Variants in CPQ observed in about 807,000 individuals in gnomAD.
The protein encoded by CPQ is Ser-Met dipeptidase.
CPQ carries 37 observed loss-of-function variants against 45.7 expected under a neutral mutation model. The ratio of observed to expected loss-of-function variants is 0.81; its 90% confidence interval spans 0.62 to 1.07. The LOEUF (loss-of-function observed/expected upper bound fraction) is 1.07. CPQ is among the 50% of genes least tolerant of loss of function. CPQ has a pLI of 0.00. For synonymous variants in CPQ, 186 were observed against 205.8 expected (o/e 0.90, Z 0.82); for missense variants, 537 against 572.9 (o/e 0.94, Z 0.64).
intron 3 of CPQ, among the ~76,000 whole-genome samples, chr8:96,851,329 T>C (rs916417546): frequency 2.0e-5 from 3 of 152,186 alleles, no homozygotes; most frequent in Non-Finnish European, 2.9e-5. Flanking sequence ...AATTGAGAAG[T>C]CCAGGTAGAG....
At chr8:97,059,741 C>T (rs571708682) in intron 6 of CPQ, among the ~76,000 whole-genome samples, 2 of 152,292 alleles carry the variant, frequency 1.3e-5, no homozygotes, top group South Asian at 4.1e-4. Context: ...TCAGCACACA[C>T]ATTGTAAGAT....
intron 1 of CPQ, among the ~76,000 whole-genome samples, chr8:96,712,197 C>A (rs190951073): frequency 1.3e-5 from 2 of 152,324 alleles, no homozygotes; most frequent in Admixed American, 6.5e-5. Flanking sequence ...GGCATCTCCA[C>A]CCCTGTGACT....
At chr8:96,801,458 A>G (rs1265348953) in intron 2 of CPQ, among the ~76,000 whole-genome samples, 1 of 152,092 alleles carries the variant, frequency 6.6e-6, no homozygotes, top group African/African-American at 2.4e-5. Flanking sequence ...TTTGCTTTTG[A>G]TTTTATATAA....
chr8:96,957,838 CTT>C (rs796118046), intron 4 of CPQ, among the ~76,000 whole-genome samples: 5 of 142,118 alleles, frequency 3.5e-5, no homozygotes, highest in Admixed American at 1.4e-4. Context: ...GTACCAAATG[CTT>C]TTTTTTTTTT....
At chr8:96,850,584 TTTTATTTATTTA>T (rs199730159) in intron 3 of CPQ, among the ~76,000 whole-genome samples, 253 of 136,636 alleles carry the variant, frequency 1.9e-3, no homozygotes, top group African/African-American at 6.3e-3. Context: ...TTTTATTTTA[TTTTATTTATTTA>T]TTTATTTATT....
chr8:96,650,660 TATC>T (rs1022676565), intron 1 of CPQ, among the ~76,000 whole-genome samples: 29 of 152,318 alleles, frequency 1.9e-4, no homozygotes, highest in African/African-American at 6.7e-4. Context: ...CTCCTTCCCT[TATC>T]ATATCATATC....
intron 3 of CPQ, among the ~76,000 whole-genome samples, chr8:96,840,447 A>G (rs898370804): frequency 2.6e-5 from 4 of 152,180 alleles, no homozygotes; most frequent in African/African-American, 9.7e-5. Flanking sequence ...GAATAGCAAC[A>G]TCAACCTATC....
intron 1 of CPQ, among the ~76,000 whole-genome samples, chr8:96,750,386 C>T (rs1810242446): frequency 6.6e-6 from 1 of 151,658 alleles, no homozygotes; most frequent in East Asian, 1.9e-4. Flanking sequence ...TGGTATTCTC[C>T]AGGTTGACTG....
At chr8:96,693,926 A>G (rs983507668) in intron 1 of CPQ, among the ~76,000 whole-genome samples, 30 of 152,194 alleles carry the variant, frequency 2.0e-4, no homozygotes. Context: ...GATGTAGGCA[A>G]TACAATAAGA....
chr8:97,125,338 T>G (rs534538821), intron 7 of CPQ, among the ~76,000 whole-genome samples: 1 of 152,280 alleles, frequency 6.6e-6, no homozygotes, highest in African/African-American at 2.4e-5. Context: ...AACATGACTA[T>G]GCAAACTTTA....
rs186036263 is a variant in CPQ, at chr8:97,045,344, C to T, written c.1053+15850C>T. Reference sequence around the variant, plus strand: ...CCATTTTTTAAGCCCGTCGGAAAAGCGCAGCATTAGAGTGGGAGTGACCCG... The same window carrying T: ...CCATTTTTTAAGCCCGTCGGAAAAGTGCAGCATTAGAGTGGGAGTGACCCG... On this transcript the variant is annotated intron_variant, in intron 6 of 7. Coordinates refer to ENST00000220763, the MANE Select transcript of CPQ (RefSeq NM_016134.4). Among the ~76,000 whole-genome samples, 251 of 152,316 alleles carry T rather than the reference C, an allele frequency of 1.6e-3. 2 individuals are homozygous for T. The highest frequency in any genetic ancestry group is 0.013 in the Admixed American group (194 of 15,302).
At chr8:96,763,049 G>A (rs988108786) in intron 1 of CPQ, among the ~76,000 whole-genome samples, 1 of 152,040 alleles carries the variant, frequency 6.6e-6, no homozygotes, top group African/African-American at 2.4e-5. Flanking sequence ...CTTATAGATG[G>A]CCATCTTCTC....
At chr8:97,031,130 C>G (rs1809896055) in intron 6 of CPQ, among the ~76,000 whole-genome samples, 1 of 150,572 alleles carries the variant, frequency 6.6e-6, no homozygotes, top group Admixed American at 6.6e-5. Flanking sequence ...AGAAGAAGCT[C>G]TAAAATTCTA....
chr8:96,711,794 T>G (rs1469624097), intron 1 of CPQ, among the ~76,000 whole-genome samples: 1 of 152,088 alleles, frequency 6.6e-6, no homozygotes, highest in African/African-American at 2.4e-5. Context: ...AACCATATCA[T>G]TCTGCCTCTA....
At chr8:97,067,076 AC>A (rs1165879891) in intron 7 of CPQ, among the ~76,000 whole-genome samples, 14 of 151,738 alleles carry the variant, frequency 9.2e-5, no homozygotes, top group African/African-American at 3.4e-4. Flanking sequence ...ATGAGTGTGC[AC>A]CACCATGCCT....
At chr8:97,110,456 T>C (rs1275925742) in intron 7 of CPQ, among the ~76,000 whole-genome samples, 1 of 152,244 alleles carries the variant, frequency 6.6e-6, no homozygotes, top group African/African-American at 2.4e-5. Flanking sequence ...GCAAGTTTTA[T>C]TTTCTTTCTT....
chr8:97,092,759 C>T (rs1174999890), intron 7 of CPQ: 1 of 152,026 alleles, frequency 6.6e-6, no homozygotes, highest in Non-Finnish European at 1.5e-5. Context: ...GACATTGGCC[C>T]TGGCAAAGAC....
chr8:96,916,141 G>C (rs1812729713), intron 4 of CPQ, among the ~76,000 whole-genome samples: 1 of 152,160 alleles, frequency 6.6e-6, no homozygotes, highest in African/African-American at 2.4e-5. Context: ...TCACTTTAGA[G>C]TATGCGAGTT....
chr8:96,855,732 A>C (rs1811839287), intron 3 of CPQ, among the ~76,000 whole-genome samples: 1 of 152,228 alleles, frequency 6.6e-6, no homozygotes. Context: ...ACAGAAACTA[A>C]GTAAGCAAAT....
Sources: gnomAD v4.1 joint callset for allele counts (sites outside exome capture counted in the v4.1 genomes callset) on GRCh38, gnomAD v4.1.1 for gene constraint, MANE v1.5 for transcripts, NCBI Gene and HGNC (gene_info 2026-07-23, HGNC 2026-07-21) for gene names.